Variants in AHCTF1 observed in about 807,000 individuals in gnomAD.
AHCTF1 encodes the protein AT-hook containing transcription factor 1, also known as protein ELYS.
A neutral mutation model predicts 248.4 loss-of-function variants in AHCTF1; 24 were observed. That is an observed-to-expected ratio of 0.10 (90% CI 0.07 to 0.14). The LOEUF is 0.14. Ranked by LOEUF, AHCTF1 falls within the 10% of genes least tolerant of loss-of-function variation. AHCTF1 has a pLI of 1.00. For synonymous variants in AHCTF1, 786 were observed against 929.8 expected (o/e 0.85, Z 2.81); for missense variants, 2,206 against 2,636.2 (o/e 0.84, Z 3.57).
intron 19 of AHCTF1, 93 bp from the exon 20 acceptor site, chr1:246,887,450 A>C: frequency 7.8e-7 from 1 of 1,284,552 alleles, no homozygotes; most frequent in Admixed American, 2.4e-5. Flanking sequence ...GTAGCATTAA[A>C]AGAGACTTGA....
At chr1:246,883,293 T>C (rs1663587635) in intron 21 of AHCTF1, among the ~76,000 whole-genome samples, 1 of 152,242 alleles carries the variant, frequency 6.6e-6, no homozygotes, top group East Asian at 1.9e-4. Context: ...ATTTCCCAAA[T>C]GTAACCTCTA....
At chr1:246,903,661 C>T (rs985224793) in intron 7 of AHCTF1, among the ~76,000 whole-genome samples, 7 of 120,726 alleles carry the variant, frequency 5.8e-5, no homozygotes, top group South Asian at 2.6e-4. Flanking sequence ...GACCCCCCCC[C>T]CTCCGTCTCT....
intron 1 of AHCTF1, among the ~76,000 whole-genome samples, chr1:246,930,313 G>A (rs945721269): frequency 2.0e-5 from 3 of 151,552 alleles, no homozygotes; most frequent in African/African-American, 4.9e-5. Context: ...ATTCCCGGTT[G>A]ACATGATGTT....
At chr1:246,894,469 G>C (rs1664426732) in intron 14 of AHCTF1, among the ~76,000 whole-genome samples, 190 bp downstream of exon 14, 1 of 152,102 alleles carries the variant, frequency 6.6e-6, no homozygotes, top group African/African-American at 2.4e-5. Flanking sequence ...TTTGAACCCG[G>C]GAGGTGGAGC....
chr1:246,897,886 GGAA>G (rs1266251454), intron 12 of AHCTF1, among the ~76,000 whole-genome samples: 9 of 120,810 alleles, frequency 7.4e-5, no homozygotes, highest in African/African-American at 2.9e-4. Context: ...GGCTGGGGTG[GGAA>G]GATCGCTTAA....
At chr1:246,922,729 T>C (rs1666630904) in intron 1 of AHCTF1, among the ~76,000 whole-genome samples, 1 of 148,802 alleles carries the variant, frequency 6.7e-6, no homozygotes, top group Non-Finnish European at 1.5e-5. Flanking sequence ...ACGCCTGTAA[T>C]CCCAGCACTT....
intron 24 of AHCTF1, among the ~76,000 whole-genome samples, chr1:246,870,298 T>C (rs951585877): frequency 4.7e-4 from 72 of 152,126 alleles, no homozygotes; most frequent in African/African-American, 5.1e-4. Context: ...CCAGGCACGG[T>C]TGCAGTCTCA....
intron 1 of AHCTF1, among the ~76,000 whole-genome samples, chr1:246,929,671 A>T (rs1413860148): frequency 6.6e-6 from 1 of 152,220 alleles, no homozygotes; most frequent in East Asian, 1.9e-4. Flanking sequence ...TAACCGAGGG[A>T]AGTTACACTT....
chr1:246,916,122 G>A lies in AHCTF1; in HGVS notation c.375+20C>T, dbSNP rs1004506634. 1.2e-6 allele frequency: 2 copies of A among 1,603,178 alleles called. No individual in the cohort carries two copies. Among genetic ancestry groups the A allele is most frequent in the Non-Finnish European group, 1.7e-6 (2 of 1,173,826 alleles). On this transcript the variant is annotated intron_variant, in intron 3 of 35. Transcript: ENST00000648844. Reference sequence around the variant, plus strand: ...TCAGTTTTGAAAGAGAAATGTCCAGGTATCTTAAACAGTACCTACCCTTCC... The same window carrying A: ...TCAGTTTTGAAAGAGAAATGTCCAGATATCTTAAACAGTACCTACCCTTCC...
chr1:246,851,580 T>G, intron 32 of AHCTF1, 138 bp from the exon 33 acceptor site: 1 of 687,650 alleles, frequency 1.5e-6, no homozygotes, highest in Non-Finnish European at 2.2e-6. Flanking sequence ...TACTTATGGG[T>G]TTACTTTACA....
At chr1:246,863,093 T>G (rs1474071102) in intron 27 of AHCTF1, among the ~76,000 whole-genome samples, 2 of 152,214 alleles carry the variant, frequency 1.3e-5, no homozygotes, top group African/African-American at 4.8e-5. Context: ...CTGTAGAGAA[T>G]ACAAAGTGTG....
intron 13 of AHCTF1, among the ~76,000 whole-genome samples, chr1:246,895,404 G>C (rs576918696): frequency 3.3e-5 from 5 of 152,124 alleles, no homozygotes; most frequent in African/African-American, 9.7e-5. Context: ...GACAATATGC[G>C]TTTGGGGTGT....
In AHCTF1 at chr1:246,888,231, T is replaced by C. The variant is rs1663967209; in HGVS notation, c.2271A>G (p.Ala757=). Residue 757 remains alanine, a splice_region_variant and synonymous_variant, in exon 19 of 36, where the codon GCA becomes GCG. Coordinates refer to ENST00000648844, the MANE Select transcript of AHCTF1 (RefSeq NM_001323342.2). ...TGKYPPASLH[A]VLDMYLLDGV... Reference sequence around the variant, plus strand: ...CGTCTAATAGGTACATATCAAGTACTGCCTATAAAACAAAGGGATAAAACC... The same window carrying C: ...CGTCTAATAGGTACATATCAAGTACCGCCTATAAAACAAAGGGATAAAACC... 1.2e-6 allele frequency: 2 copies of C among 1,614,112 alleles called. No homozygotes were observed. The highest frequency in any genetic ancestry group is 1.3e-5 in the African/African-American group (1 of 75,062).
chr1:246,929,779 C>T (rs374928501), intron 1 of AHCTF1, among the ~76,000 whole-genome samples: 7 of 152,246 alleles, frequency 4.6e-5, no homozygotes, highest in South Asian at 2.1e-4. Context: ...ACCAGCCGGG[C>T]GCGGTGGCTC....
At position 246,890,023 on chromosome 1, in the gene AHCTF1, T is replaced by A; in HGVS notation, c.2087A>T (p.Tyr696Phe). ...GGTGTAGTAGTTCTGAATTACAGGG[T>A]AGTTGTAGCATAACCTTGACAACTG... The part of the protein sequence containing the change: ...SVQLSRLCYN[Y>F]PVIQNYYTSR... The change falls in exon 17 of 36, where the codon TAC becomes TTC. Residue 696 changes from tyrosine (Y) to phenylalanine (F), a missense_variant. Tyr to Phe is a conservative substitution (Grantham distance 22). Coordinates refer to ENST00000648844, the MANE Select transcript of AHCTF1 (RefSeq NM_001323342.2). 6.2e-7 allele frequency: 1 copy of A among 1,613,034 alleles called. No individual in the cohort carries two copies. Among genetic ancestry groups the A allele is most frequent in the South Asian group, 1.1e-5 (1 of 90,992 alleles).
intron 24 of AHCTF1, among the ~76,000 whole-genome samples, chr1:246,868,877 C>T (rs1572390976): frequency 6.8e-6 from 1 of 146,186 alleles, no homozygotes; most frequent in South Asian, 2.1e-4. Context: ...TGGAGTCTCG[C>T]TCTGTCACCC....
At chr1:246,861,385 TTC>T (rs1194046895) in intron 28 of AHCTF1, 90 bp from the exon 29 acceptor site, 20 of 1,195,814 alleles carry the variant, frequency 1.7e-5, no homozygotes, top group Non-Finnish European at 2.2e-5. Flanking sequence ...TACCCATACT[TTC>T]TTTGTTGTTT....
chr1:246,885,715 T>A, intron 20 of AHCTF1, 35 bp from the exon 21 acceptor site: 1 of 1,556,586 alleles, frequency 6.4e-7, no homozygotes, highest in Non-Finnish European at 8.7e-7. Context: ...AATATAAATA[T>A]AATCCTATAC....
In AHCTF1 at chr1:246,891,855, T is replaced by G; in HGVS notation, c.1869A>C (p.Gln623His). The stretch of plus-strand genomic sequence containing the variant: ...TAAGATTGCTAAGAAGCAAATAGCA[T>G]TGCTGGATAGACTGTATAGTTTGTG... ...MDPQTIQSIQ[Q>H]CYLLLSNLNI... The change falls in exon 15 of 36, where the codon CAA becomes CAC. Residue 623 changes from glutamine (Q) to histidine (H), a missense_variant. Physicochemically the swap from Gln to His is conservative, Grantham distance 24. This residue lies in a region of AHCTF1 where 650 missense variants were observed against 870.8 expected (regional missense o/e 0.75). Transcript: ENST00000648844. 6.2e-7 allele frequency: 1 copy of G among 1,605,346 alleles called. No homozygotes were observed. Among genetic ancestry groups the G allele is most frequent in the Non-Finnish European group, 8.5e-7 (1 of 1,177,254 alleles).
Sources: allele counts gnomAD v4.1 joint callset (sites outside exome capture counted in the v4.1 genomes callset), GRCh38; gene constraint gnomAD v4.1.1; regional missense constraint gnomAD v4.1.1; transcripts MANE v1.5; gene names NCBI Gene and HGNC (gene_info 2026-07-23, HGNC 2026-07-21).